The following GGTA1 variants were observed in gnomAD, a reference collection of about 807,000 sequenced individuals.
GGTA1 encodes the protein glycoprotein alpha-galactosyltransferase 1 (inactive).
Under a neutral mutation model 2.6 loss-of-function variants are expected in GGTA1, and 5 were observed. That is an observed-to-expected ratio of 1.92 (90% CI 1.00 to 4.04). The LOEUF is 4.04. Ranked by LOEUF, GGTA1 falls within the 30% of genes most tolerant of loss-of-function variation. The pLI, the probability that GGTA1 is intolerant of heterozygous loss-of-function variation, is 0.00. For synonymous variants in GGTA1, 17 were observed against 5.0 expected, an observed-to-expected ratio of 3.38 and a Z score of -3.19; for missense variants, 50 against 16.7, an observed-to-expected ratio of 2.99 and a Z score of -3.47.
At chr9:121,468,502 T>C (rs544324018) in intron 1 of GGTA1, among the ~76,000 whole-genome samples, 8 of 152,362 alleles carry the variant, frequency 5.3e-5, no homozygotes, top group African/African-American at 1.9e-4. Context: ...ATCTTTATAA[T>C]AGAATGATTT....
chr9:121,490,701 T>C (rs988342407), intron 1 of GGTA1, among the ~76,000 whole-genome samples: 20 of 152,366 alleles, frequency 1.3e-4, no homozygotes, highest in Middle Eastern at 3.4e-3. Context: ...TTAGCTCCTA[T>C]ACAAGACCTT....
chr9:121,451,489 G>T (rs1430043017), downstream of GGTA1, among the ~76,000 whole-genome samples: 1 of 152,218 alleles, frequency 6.6e-6, no homozygotes, highest in Admixed American at 6.5e-5. Context: ...CTGGCCTAGA[G>T]CTAGAACTTT....
downstream of GGTA1, among the ~76,000 whole-genome samples, chr9:121,453,891 C>T (rs1269106323): frequency 6.6e-6 from 1 of 152,180 alleles, no homozygotes; most frequent in Non-Finnish European, 1.5e-5. Flanking sequence ...TCAGTAGACT[C>T]TCCTCTCGGG....
intron 4 of GGTA1, among the ~76,000 whole-genome samples, chr9:121,460,745 T>A (rs1462047727): frequency 6.6e-6 from 1 of 152,076 alleles, no homozygotes; most frequent in Non-Finnish European, 1.5e-5. Flanking sequence ...CTTGGGAGGC[T>A]GAGGCAGGAG....
chr9:121,470,723 T>C (rs1828370070), intron 1 of GGTA1, among the ~76,000 whole-genome samples: 1 of 152,258 alleles, frequency 6.6e-6, no homozygotes, highest in Non-Finnish European at 1.5e-5. Flanking sequence ...ATTTAGTTTA[T>C]AGTTTAAATA....
At chr9:121,494,762 A>T (rs757467209) in intron 1 of GGTA1, 53 of 152,242 alleles carry the variant, frequency 3.5e-4, no homozygotes, top group Non-Finnish European at 6.5e-4. Flanking sequence ...TGGTAATGAG[A>T]TCACATCTGT....
At chr9:121,488,071 C>G (rs2118758275) in intron 1 of GGTA1, among the ~76,000 whole-genome samples, 1 of 152,098 alleles carries the variant, frequency 6.6e-6, no homozygotes, top group Admixed American at 6.6e-5. Flanking sequence ...GATGCAGAAA[C>G]AGGCTCAACC....
intron 5 of GGTA1, among the ~76,000 whole-genome samples, chr9:121,459,016 C>T (rs2064937501): frequency 6.6e-6 from 1 of 152,232 alleles, no homozygotes; most frequent in Non-Finnish European, 1.5e-5. Context: ...GATGCCTACC[C>T]TGTTGTGCAG....
At chr9:121,457,227 G>A (rs1046338779) in intron 5 of GGTA1, among the ~76,000 whole-genome samples, 15 of 152,200 alleles carry the variant, frequency 9.9e-5, no homozygotes, top group South Asian at 2.1e-4. Flanking sequence ...AGGAGAACAA[G>A]GGTGGGGTGG....
At chr9:121,475,842 A>G (rs1257480578) in intron 1 of GGTA1, among the ~76,000 whole-genome samples, 3 of 152,164 alleles carry the variant, frequency 2.0e-5, no homozygotes, top group African/African-American at 7.2e-5. Context: ...AGTCCTCCAG[A>G]TCCTTGATTA....
Position 121,489,886 on chromosome 9 carries a change from A to G in GGTA1, c.-10+9764T>C, listed in dbSNP as rs555537668. Among the ~76,000 whole-genome samples, 176 of 152,312 alleles carry G rather than the reference A, an allele frequency of 1.2e-3. 1 individual carries two copies. The highest frequency in any genetic ancestry group is 1.9e-3 in the South Asian group (9 of 4,828). Reference sequence around the variant, plus strand: ...TCCTCTGCTAAGCCTTCCTTAGTGAAGGAAGTCTGGGATCTCTAAGAAGCT... The same window carrying G: ...TCCTCTGCTAAGCCTTCCTTAGTGAGGGAAGTCTGGGATCTCTAAGAAGCT... On this transcript the variant is annotated intron_variant, in intron 1 of 5. Transcript: ENST00000481799.
intron 1 of GGTA1, among the ~76,000 whole-genome samples, chr9:121,477,726 C>G (rs1166037390): frequency 6.6e-6 from 1 of 152,010 alleles, no homozygotes; most frequent in Non-Finnish European, 1.5e-5. Flanking sequence ...CAGGCACCCG[C>G]CACCACGCCC....
At chr9:121,484,475 G>C (rs1828715789) in intron 1 of GGTA1, among the ~76,000 whole-genome samples, 1 of 152,022 alleles carries the variant, frequency 6.6e-6, no homozygotes, top group South Asian at 2.1e-4. Context: ...GTAGAGACGG[G>C]GTTTCACCAT....
At chr9:121,473,968 G>T (rs1247704948) in intron 1 of GGTA1, among the ~76,000 whole-genome samples, 1 of 144,338 alleles carries the variant, frequency 6.9e-6, no homozygotes, top group East Asian at 2.0e-4. Context: ...AGGGAGGGAG[G>T]GAGGGAGAGA....
At chr9:121,446,829 A>AT (rs2064854166) in exon 8 of GGTA1, 2 of 152,232 alleles carry the variant, frequency 1.3e-5, no homozygotes, top group African/African-American at 2.4e-5. Context: ...TGAAGTTAAA[A>AT]TTAAGTGTTA....
intron 2 of GGTA1, among the ~76,000 whole-genome samples, chr9:121,463,959 G>A (rs1246839238): frequency 6.6e-6 from 1 of 152,152 alleles, no homozygotes; most frequent in Non-Finnish European, 1.5e-5. Flanking sequence ...ACTAATGAAG[G>A]CAGTGAGACT....
intron 1 of GGTA1, 137 bp from the exon 2 acceptor site, chr9:121,468,068 A>G (rs567903472): frequency 1.6e-3 from 598 of 377,164 alleles, no homozygotes; most frequent in Non-Finnish European, 2.6e-3. Context: ...ATACATGTGC[A>G]GAACGTGCAG....
At chr9:121,496,879 C>T (rs1829006806) in intron 1 of GGTA1, among the ~76,000 whole-genome samples, 1 of 151,338 alleles carries the variant, frequency 6.6e-6, no homozygotes, top group Non-Finnish European at 1.5e-5. Context: ...AAAGAGTTGT[C>T]AAATCAAACA....
intron 1 of GGTA1, among the ~76,000 whole-genome samples, chr9:121,486,927 G>T (rs1828767518): frequency 6.6e-6 from 1 of 152,122 alleles, no homozygotes; most frequent in African/African-American, 2.4e-5. Context: ...CAGAACTCAG[G>T]TACCCCTATT....
Sources: gnomAD v4.1 joint callset for allele counts (sites outside exome capture counted in the v4.1 genomes callset) on GRCh38, gnomAD v4.1.1 for gene constraint, MANE v1.5 for transcripts, NCBI Gene and HGNC (gene_info 2026-07-23, HGNC 2026-07-21) for gene names.